The following FBXO31 variants were observed in gnomAD, a reference collection of about 807,000 sequenced individuals.
The protein encoded by FBXO31 is F-box protein 31, also known as F-box only protein 31.
In FBXO31, 24 loss-of-function variants were observed where a neutral mutation model predicts 54.4. The observed-to-expected ratio is 0.44, with a 90% CI of 0.32 to 0.62. FBXO31 has a LOEUF of 0.62. Ranked by LOEUF, FBXO31 falls within the 20% of genes least tolerant of loss-of-function variation. FBXO31 has a pLI of 0.05. For synonymous variants in FBXO31, 388 were observed against 335.6 expected (o/e 1.16, Z -1.71); for missense variants, 665 against 787.1 (o/e 0.84, Z 1.86).
intron 8 of FBXO31, among the ~76,000 whole-genome samples, chr16:87,332,154 C>T (rs1030462594): frequency 1.3e-4 from 20 of 152,214 alleles, no homozygotes; most frequent in Non-Finnish European, 2.9e-4. Flanking sequence ...AGAACAGCCC[C>T]GTGGACCAGG....
chr16:87,380,699 T>C (rs1907039941), intron 1 of FBXO31, among the ~76,000 whole-genome samples: 2 of 152,234 alleles, frequency 1.3e-5, no homozygotes, highest in African/African-American at 2.4e-5. Flanking sequence ...AGCAGGTCAC[T>C]TGGGTGAACA....
upstream of FBXO31, chr16:87,385,945 A>T (rs1327977486): frequency 6.6e-6 from 1 of 151,966 alleles, no homozygotes; most frequent in Non-Finnish European, 1.5e-5. Flanking sequence ...CGGGAGGTGG[A>T]GGTTGCAGTG....
chr16:87,389,492 C>T (rs1907442320), intron 1 of FBXO31: 1 of 152,214 alleles, frequency 6.6e-6, no homozygotes, highest in Admixed American at 6.5e-5. Context: ...TCTGCTTCCC[C>T]TCCCCCATCT....
At chr16:87,375,528 A>G (rs1390416146) in intron 1 of FBXO31, among the ~76,000 whole-genome samples, 1 of 152,178 alleles carries the variant, frequency 6.6e-6, no homozygotes, top group East Asian at 1.9e-4. Context: ...GAACAGTGCC[A>G]AAATGGGCTG....
intron 1 of FBXO31, among the ~76,000 whole-genome samples, chr16:87,366,731 T>C (rs528173338): frequency 6.6e-6 from 1 of 152,100 alleles, no homozygotes; most frequent in East Asian, 1.9e-4. Flanking sequence ...TCATCCACGA[T>C]GGGCTGCTAC....
At chr16:87,379,113 C>T (rs1017948012) in intron 1 of FBXO31, among the ~76,000 whole-genome samples, 1 of 152,112 alleles carries the variant, frequency 6.6e-6, no homozygotes, top group Non-Finnish European at 1.5e-5. Flanking sequence ...TGAACCATCA[C>T]ATACCCTTTT....
chr16:87,366,769 C>T (rs546259437), intron 1 of FBXO31, among the ~76,000 whole-genome samples: 17 of 152,310 alleles, frequency 1.1e-4, no homozygotes, highest in Admixed American at 2.0e-4. Context: ...AGAGGGCAGA[C>T]GGGCCGGCTG....
intron 5 of FBXO31, among the ~76,000 whole-genome samples, chr16:87,340,927 A>G (rs917778282): frequency 2.0e-5 from 3 of 152,234 alleles, no homozygotes; most frequent in Non-Finnish European, 1.5e-5. Flanking sequence ...CCTAATAGTT[A>G]ACAAGCTCCT....
intron 2 of FBXO31, among the ~76,000 whole-genome samples, chr16:87,349,908 C>CAAAAAAA (rs11305127): frequency 7.0e-6 from 1 of 143,024 alleles, no homozygotes; most frequent in Non-Finnish European, 1.5e-5. Context: ...GACCCTATCT[C>CAAAAAAA]AAAAAAAAAA....
Position 87,335,331 on chromosome 16 carries a change from G to A in FBXO31, c.969C>T (p.Gly323=), listed in dbSNP as rs1438162027. 2 of 1,613,874 alleles carry A rather than the reference G, an allele frequency of 1.2e-6. No individual in the cohort carries two copies. The highest frequency in any genetic ancestry group is 2.2e-5 in the East Asian group (1 of 44,874). The change falls in exon 7 of 9, where the codon GGC becomes GGT. Residue 323 remains glycine (G), a synonymous_variant. Coordinates refer to ENST00000311635, the MANE Select transcript of FBXO31 (RefSeq NM_024735.5). This position sits in a 1 kb window ranked among gnomAD's most constrained non-coding sequence, Gnocchi z 5.7. The part of the protein sequence containing the change: ...GLEIVMLSFH[G]RRARGTKITG... ...TGATCTTGGTGCCCCTGGCACGCCG[G>A]CCGTGGAAGCTGAGCATCACAATCT...
Position 87,360,278 on chromosome 16 carries a change from C to T in FBXO31, c.412+17G>A. On this transcript the variant is annotated intron_variant, in intron 2 of 8. Transcript: ENST00000311635. ...GTACAAAGTTAATCATGGATGGTAA[C>T]AAATAGATTCACTCACGCTTCGCAT... 4 of 1,611,596 alleles carry T rather than the reference C, an allele frequency of 2.5e-6. No individual in the cohort carries two copies. The highest frequency in any genetic ancestry group is 3.4e-6 in the Non-Finnish European group (4 of 1,177,662).
At chr16:87,372,571 T>G (rs1175024371) in intron 1 of FBXO31, among the ~76,000 whole-genome samples, 1 of 151,984 alleles carries the variant, frequency 6.6e-6, no homozygotes, top group Non-Finnish European at 1.5e-5. Context: ...TTTCTTTTTG[T>G]TTTTTTAGAG....
At chr16:87,333,800 T>TGTGAGGTCACAGG in intron 8 of FBXO31, 86 bp downstream of exon 8, 1 of 1,503,898 alleles carries the variant, frequency 6.6e-7, no homozygotes, top group Non-Finnish European at 8.9e-7. Context: ...ACAGGCCCTC[T>TGTGAGGTCACAGG]CCGCCTGTGC....
At chr16:87,343,450 T>C (rs1905255217) in intron 4 of FBXO31, 148 bp downstream of exon 4, 1 of 957,232 alleles carries the variant, frequency 1.0e-6, no homozygotes, top group African/African-American at 1.6e-5. Flanking sequence ...GCGTAAACAA[T>C]GCACAGCAGG....
At chr16:87,356,301 G>C (rs941214805) in intron 2 of FBXO31, among the ~76,000 whole-genome samples, 17 of 151,992 alleles carry the variant, frequency 1.1e-4, no homozygotes, top group Non-Finnish European at 2.1e-4. Context: ...AGGAGAGACT[G>C]TTGTCAACGC....
rs1224585061 is a variant in FBXO31 at position 87,358,059 on chromosome 16, G to C, written c.412+2236C>G. On this transcript the variant is annotated intron_variant, in intron 2 of 8. Transcript: ENST00000311635. The surrounding 1 kb of genome is among the most constrained non-coding windows in gnomAD (Gnocchi z 4.0). ...AGTCAAATATTCATATTTCACTTTA[G>C]AATAAAATTTTAAAGCTTCTACTCT... Among the ~76,000 whole-genome samples the C allele has an allele frequency of 1.3e-5, 2 of 152,158 alleles. No homozygotes were observed. Among genetic ancestry groups the C allele is most frequent in the Admixed American group, 6.5e-5 (1 of 15,272 alleles).
In FBXO31 at chr16:87,330,957, A is replaced by C. The variant is rs2150666122; in HGVS notation, c.*331T>G. The C allele has an allele frequency of 6.8e-6, 2 of 294,092 alleles. No homozygotes were observed. The highest frequency in any genetic ancestry group is 1.1e-3 in the Middle Eastern group (1 of 924). The allele number at this position is 294,092 out of a possible 1,614,324, so 18.2% of individuals were successfully genotyped here. Reference sequence around the variant, plus strand: ...CCAGTCAGGAGGGTCCTGCTTCCCGAGAAAACCACCAGCCAGCCCAGGGTG... The same window carrying C: ...CCAGTCAGGAGGGTCCTGCTTCCCGCGAAAACCACCAGCCAGCCCAGGGTG... On this transcript the variant is annotated 3_prime_UTR_variant, in exon 9 of 9. Transcript: ENST00000311635.
chr16:87,344,258 T>G (rs1227084749), intron 3 of FBXO31, among the ~76,000 whole-genome samples: 1 of 152,182 alleles, frequency 6.6e-6, no homozygotes, highest in African/African-American at 2.4e-5. Flanking sequence ...ACAGCTGAAA[T>G]GCCACGGGCC....
chr16:87,391,066 A>C (rs1211450502), upstream of FBXO31, among the ~76,000 whole-genome samples: 1 of 152,206 alleles, frequency 6.6e-6, no homozygotes, highest in East Asian at 1.9e-4. Flanking sequence ...AAAACAGCCA[A>C]ATAGCCGGGA....
Sources: allele counts gnomAD v4.1 joint callset (sites outside exome capture counted in the v4.1 genomes callset), GRCh38; gene constraint gnomAD v4.1.1; non-coding constraint Gnocchi (gnomAD v3.1); transcripts MANE v1.5; gene names NCBI Gene and HGNC (gene_info 2026-07-23, HGNC 2026-07-21).